GPRASP2: variants seen among roughly 807,000 people sequenced by gnomAD.
The protein encoded by GPRASP2 is G protein-coupled receptor-associated sorting protein 2.
A neutral mutation model predicts 36.0 loss-of-function variants in GPRASP2; 10 were observed. The observed-to-expected ratio is 0.28, with a 90% CI of 0.17 to 0.47. The LOEUF (loss-of-function observed/expected upper bound fraction) is 0.47. Among genes scored for constraint, GPRASP2 ranks in the 20% least tolerant of loss-of-function variants. GPRASP2 has a pLI of 0.99. For synonymous variants in GPRASP2, 219 were observed against 230.5 expected (o/e 0.95, Z 0.45); for missense variants, 538 against 626.7 (o/e 0.86, Z 1.51).
In GPRASP2 at chrX:102,715,532, G is replaced by C; in HGVS notation, c.663G>C (p.Glu221Asp). ...GGGCCAGAGAGGAGGCCTCTAATGAGTCTGGGTTCTGGTCAGCAGATGAGA... is the reference window on the plus strand; with the variant it reads ...GGGCCAGAGAGGAGGCCTCTAATGACTCTGGGTTCTGGTCAGCAGATGAGA... Reference protein sequence around the residue: ...RPRAREEASNESGFWSADETS... With the variant: ...RPRAREEASNDSGFWSADETS... The change falls in exon 5 of 5, where the codon GAG (glutamate) becomes GAC (aspartate). Residue 221 changes from glutamate (E) to aspartate (D), a missense_variant. Transcript: ENST00000483720. 1.7e-6 allele frequency: 2 copies of C among 1,212,048 alleles called. No homozygotes were observed. The highest frequency in any genetic ancestry group is 2.2e-6 in the Non-Finnish European group (2 of 895,603).
rs772541821 is a variant in GPRASP2 at position 102,713,221 on chromosome X, TG to T, written c.-480+5del. On this transcript the variant is annotated splice_donor_5th_base_variant and intron_variant, in intron 2 of 4. Coordinates refer to ENST00000483720, the MANE Select transcript of GPRASP2 (RefSeq NM_001004051.4). The stretch of plus-strand genomic sequence containing the variant: ...AATATTGCCTGGATTTCTGGAGGTG[TG>T]TGGGGATGGGGGTTGGGCGCTAAAC... 9.0e-6 allele frequency: 1 copy of T among 111,729 alleles called. No individual in the cohort carries two copies. The highest frequency in any genetic ancestry group is 2.8e-4 in the East Asian group (1 of 3,518). The allele number at this position is 111,729 out of a possible 1,213,427, so 9.2% of individuals were successfully genotyped here. A position where few individuals can be genotyped will look rare whatever the true frequency, so the allele number is the denominator to read the frequency against.
In GPRASP2 at chrX:102,717,207, G is replaced by A. The variant is rs1359266587; in HGVS notation, c.2338G>A (p.Val780Ile). ...AGAGACAAATGATAATATTCAAATT[G>A]TTATTAAAATGTTTCAGAATATCAG... ...IEETNDNIQI[V>I]IKMFQNISNI... The change falls in exon 5 of 5, where the codon GTT (valine) becomes ATT (isoleucine). Residue 780 changes from valine to isoleucine, a missense_variant. By Grantham distance (29) the Val-to-Ile change is conservative. Coordinates refer to ENST00000483720, the MANE Select transcript of GPRASP2 (RefSeq NM_001004051.4). 1.8e-6 allele frequency: 2 copies of A among 1,124,120 alleles called. No homozygotes were observed. The highest frequency in any genetic ancestry group is 3.7e-5 in the African/African-American group (2 of 54,463). 92.6% of individuals were successfully genotyped at this position (1,124,120 alleles called of 1,213,427 possible). A position where few individuals can be genotyped will look rare whatever the true frequency, so the allele number is the denominator to read the frequency against.
intron 2 of GPRASP2, 99 bp downstream of exon 2, chrX:102,713,316 C>T (rs926322405): frequency 1.8e-5 from 2 of 112,062 alleles, no homozygotes; most frequent in Non-Finnish European, 3.8e-5. Flanking sequence ...GGAGCACCTC[C>T]TAATCTTCAC....
At position 102,714,904 on chromosome X, in the gene GPRASP2, C is replaced by T. The variant is rs1369713152; in HGVS notation, c.35C>T (p.Ala12Val). 5 of 1,211,906 alleles carry T rather than the reference C, an allele frequency of 4.1e-6. No homozygotes were observed. In the South Asian group the frequency reaches 7.0e-5, roughly 17 times the overall value. The change falls in exon 5 of 5, where the codon GCC becomes GTC. Residue 12 changes from alanine to valine, a missense_variant. Around this residue, in one of 2 missense-constraint regions of GPRASP2, gnomAD observed 276 missense variants for 275.0 expected, o/e 1.00. Transcript: ENST00000483720. ...GCAGAGATTGAGCCTAGTGCCCAGG[C>T]CAAGCCTGAAAAGAAGGCTGGGGAA... ...TGAEIEPSAQ[A>V]KPEKKAGEEV...
chrX:102,717,300 G>T lies in GPRASP2; in HGVS notation c.2431G>T (p.Ala811Ser). 9.1e-7 allele frequency: 1 copy of T among 1,095,552 alleles called. No homozygotes were observed. Among genetic ancestry groups the T allele is most frequent in the Non-Finnish European group, 1.2e-6 (1 of 837,835 alleles). The allele number at this position is 1,095,552 out of a possible 1,213,427, so 90.3% of individuals were successfully genotyped here. ...TTTCAGTCTTGAGCCGCTTATTTCTGCATTTCGTGAATTTGAGGAGTTAGC... is the reference window on the plus strand; with the variant it reads ...TTTCAGTCTTGAGCCGCTTATTTCTTCATTTCGTGAATTTGAGGAGTTAGC... ...DDFSLEPLIS[A>S]FREFEELAKQ... Residue 811 changes from alanine (A) to serine (S), a missense_variant, in exon 5 of 5, where the codon GCA becomes TCA. This residue lies in a region of GPRASP2 where 262 missense variants were observed against 351.7 expected (regional missense o/e 0.74). Transcript: ENST00000483720.
rs2081942636 is a variant in GPRASP2, at chrX:102,715,157, C to A, written c.288C>A (p.Ala96=). The A allele has an allele frequency of 8.3e-7, 1 of 1,211,525 alleles. No individual in the cohort carries two copies. The highest frequency in any genetic ancestry group is 1.7e-5 in the African/African-American group (1 of 57,657). The change falls in exon 5 of 5, where the codon GCC becomes GCA. Residue 96 remains alanine, a synonymous_variant. Coordinates refer to ENST00000483720, the MANE Select transcript of GPRASP2 (RefSeq NM_001004051.4). The stretch of plus-strand genomic sequence containing the variant: ...CGGAGGCTCAAGGAATCACAGGGGC[C>A]AGGCCCAAAACCGATGCCAGGGCAG... The part of the protein sequence containing the change: ...PKTEAQGITG[A]RPKTDARAVG...
Position 102,714,737 on chromosome X carries a change from A to C in GPRASP2, c.-133A>C. The C allele has an allele frequency of 9.7e-7, 1 of 1,033,859 alleles. No individual in the cohort carries two copies. Among genetic ancestry groups the C allele is most frequent in the South Asian group, 2.3e-5 (1 of 42,609 alleles). The allele number at this position is 1,033,859 out of a possible 1,213,427, so 85.2% of individuals were successfully genotyped here. ...ACTACTGGACTGGATATTGACTCTA[A>C]CTCTTATTCCCAAGCTTATATCCTT... is the stretch of plus-strand genomic sequence containing the variant. On this transcript the variant is annotated 5_prime_UTR_variant, in exon 5 of 5. Coordinates refer to ENST00000483720, the MANE Select transcript of GPRASP2 (RefSeq NM_001004051.4).
chrX:102,714,796 C>T lies in GPRASP2; in HGVS notation c.-74C>T. On this transcript the variant is annotated 5_prime_UTR_variant, in exon 5 of 5. Transcript: ENST00000483720. ...AAAGATCAGAGTGTGAAGAAACAAA[C>T]CTGTGACAGATCTGTGGTTGAGGTT... 1 of 1,150,240 alleles carries T rather than the reference C, an allele frequency of 8.7e-7. No individual in the cohort carries two copies. The highest frequency in any genetic ancestry group is 1.2e-6 in the Non-Finnish European group (1 of 866,823). 94.8% of individuals were successfully genotyped at this position (1,150,240 alleles called of 1,213,427 possible). A position where few individuals can be genotyped will look rare whatever the true frequency, so the allele number is the denominator to read the frequency against.
Position 102,715,927 on chromosome X carries a change from G to A in GPRASP2, c.1058G>A (p.Arg353Lys), listed in dbSNP as rs2081957868. 1.7e-6 allele frequency: 2 copies of A among 1,210,131 alleles called. No homozygotes were observed. The highest frequency in any genetic ancestry group is 4.4e-5 in the Admixed American group (2 of 45,763). ...GEEANSRFRHRDKEDPNTALK... is the reference protein window; with the variant it reads ...GEEANSRFRHKDKEDPNTALK... ...GAGGCCAATAGTAGATTCAGGCACAGAGACAAAGAAGATCCTAATACTGCC... is the reference window on the plus strand; with the variant it reads ...GAGGCCAATAGTAGATTCAGGCACAAAGACAAAGAAGATCCTAATACTGCC... Residue 353 changes from arginine to lysine, a missense_variant, in exon 5 of 5, where the codon AGA (arginine) becomes AAA (lysine). Arg to Lys is a conservative substitution (Grantham distance 26, BLOSUM62 2). This residue lies in a region of GPRASP2 where 276 missense variants were observed against 275.0 expected (regional missense o/e 1.00). Coordinates refer to ENST00000483720, the MANE Select transcript of GPRASP2 (RefSeq NM_001004051.4).
In GPRASP2 at chrX:102,715,101, G is replaced by A. The variant is rs1327390902; in HGVS notation, c.232G>A (p.Val78Ile). The change falls in exon 5 of 5, where the codon GTC becomes ATC. Residue 78 changes from valine (V) to isoleucine (I), a missense_variant. By Grantham distance (29) the Val-to-Ile change is conservative. Around this residue, in one of 2 missense-constraint regions of GPRASP2, gnomAD observed 276 missense variants for 275.0 expected, o/e 1.00. Transcript: ENST00000483720. ...GTCTGGGGCAAGGCCCAAAACTGAG[G>A]TCCAAGTAATGGGTGGTGCAAGACC... ...AMSGARPKTE[V>I]QVMGGARPKT... is the part of the protein sequence containing the mutation. 1.6e-6 allele frequency: 2 copies of A among 1,212,501 alleles called. No homozygotes were observed. The highest frequency in any genetic ancestry group is 3.5e-5 in the South Asian group (2 of 57,045).
chrX:102,713,480 G>T (rs768985810), intron 2 of GPRASP2, among the ~76,000 whole-genome samples: 3 of 113,175 alleles, frequency 2.7e-5, no homozygotes, highest in Non-Finnish European at 3.7e-5. Flanking sequence ...AATATGCGGC[G>T]CCCTTCCCCC....
At position 102,716,437 on chromosome X, in the gene GPRASP2, T is replaced by A; in HGVS notation, c.1568T>A (p.Met523Lys). ...PFGIPEEASE[M>K]LEAKPKNLEL... ...GGAATTCCCGAAGAGGCTTCTGAAA[T>A]GCTTGAGGCAAAGCCCAAGAACCTG... The change falls in exon 5 of 5, where the codon ATG becomes AAG. Residue 523 changes from methionine to lysine, a missense_variant. Physicochemically the swap from Met to Lys is moderately conservative, Grantham distance 95. Coordinates refer to ENST00000483720, the MANE Select transcript of GPRASP2 (RefSeq NM_001004051.4). The A allele has an allele frequency of 8.2e-7, 1 of 1,212,155 alleles. No individual in the cohort carries two copies. Among genetic ancestry groups the A allele is most frequent in the South Asian group, 1.8e-5 (1 of 57,029 alleles).
intron 2 of GPRASP2, among the ~76,000 whole-genome samples, chrX:102,713,460 T>C (rs1437102745): frequency 8.8e-6 from 1 of 113,044 alleles, no homozygotes; most frequent in Non-Finnish European, 1.9e-5. Context: ...ATTCACAACC[T>C]GTTTTCTAGA....
chrX:102,715,475 T>A lies in GPRASP2; in HGVS notation c.606T>A (p.Thr202=). The change falls in exon 5 of 5, where the codon ACT becomes ACA. Residue 202 remains threonine (T), a synonymous_variant. Coordinates refer to ENST00000483720, the MANE Select transcript of GPRASP2 (RefSeq NM_001004051.4). ...IQPWFGPGEE[T]NMGSWCYSRP... is the part of the protein sequence containing the mutation. ...CCTGGTTTGGACCAGGGGAGGAGAC[T>A]AATATGGGGTCTTGGTGCTATTCCA... is the stretch of plus-strand genomic sequence containing the variant. 1 of 1,211,829 alleles carries A rather than the reference T, an allele frequency of 8.3e-7. No individual in the cohort carries two copies. Among genetic ancestry groups the A allele is most frequent in the Non-Finnish European group, 1.1e-6 (1 of 895,517 alleles).
chrX:102,714,842 T>G lies in GPRASP2; in HGVS notation c.-28T>G, dbSNP rs756365177. 1.1e-5 allele frequency: 13 copies of G among 1,190,755 alleles called. No individual in the cohort carries two copies. The African/African-American group carries it at 1.2e-4, about 11-fold the overall frequency. On this transcript the variant is annotated 5_prime_UTR_variant, in exon 5 of 5. Transcript: ENST00000483720. Reference sequence around the variant, plus strand: ...AGGTTTAGACTACGGGAGGAGTATATTACCTGACTTTCTTTGTAACTTGTA... The same window carrying G: ...AGGTTTAGACTACGGGAGGAGTATAGTACCTGACTTTCTTTGTAACTTGTA...
rs1217316992 is a variant in GPRASP2 at position 102,717,404 on chromosome X, C to T, written c.*18C>T. ...AAAGTTAATATGATTAACCACCTGC[C>T]GCTGATCAGCCTTATGTTCCCAAAG... is the stretch of plus-strand genomic sequence containing the variant. On this transcript the variant is annotated 3_prime_UTR_variant, in exon 5 of 5. Transcript: ENST00000483720. The T allele has an allele frequency of 6.7e-6, 7 of 1,050,271 alleles. No individual in the cohort carries two copies. Among genetic ancestry groups the T allele is most frequent in the Non-Finnish European group, 8.6e-6 (7 of 812,229 alleles). 86.6% of individuals were successfully genotyped at this position (1,050,271 alleles called of 1,213,427 possible).
At position 102,717,216 on chromosome X, in the gene GPRASP2, A is replaced by T. The variant is rs770705221; in HGVS notation, c.2347A>T (p.Met783Leu). 1.2e-5 allele frequency: 14 copies of T among 1,121,680 alleles called. No individual in the cohort carries two copies. Among genetic ancestry groups the T allele is most frequent in the Non-Finnish European group, 3.5e-6 (3 of 851,477 alleles). The allele number at this position is 1,121,680 out of a possible 1,213,427, so 92.4% of individuals were successfully genotyped here. Residue 783 changes from methionine (M) to leucine (L), a missense_variant, in exon 5 of 5, where the codon ATG becomes TTG. By Grantham distance (15) the Met-to-Leu change is conservative. This residue lies in a region of GPRASP2 where 262 missense variants were observed against 351.7 expected (regional missense o/e 0.74). Transcript: ENST00000483720. ...TGATAATATTCAAATTGTTATTAAA[A>T]TGTTTCAGAATATCAGTAACATTAT... ...TNDNIQIVIK[M>L]FQNISNIIKS... is the part of the protein sequence containing the mutation.
At position 102,716,812 on chromosome X, in the gene GPRASP2, A is replaced by T; in HGVS notation, c.1943A>T (p.Asn648Ile). ...GTCTCACTTATTGAAACCTTGCTTAATTATCCATCCTCTAGAGTTAGGACA... is the reference window on the plus strand; with the variant it reads ...GTCTCACTTATTGAAACCTTGCTTATTTATCCATCCTCTAGAGTTAGGACA... ...GVVSLIETLL[N>I]YPSSRVRTSF... is the part of the protein sequence containing the mutation. The change falls in exon 5 of 5, where the codon AAT (asparagine) becomes ATT (isoleucine). Residue 648 changes from asparagine (N) to isoleucine (I), a missense_variant. Asn to Ile is a moderately radical substitution (Grantham distance 149). Around this residue, in one of 2 missense-constraint regions of GPRASP2, gnomAD observed 262 missense variants for 351.7 expected, o/e 0.74. Coordinates refer to ENST00000483720, the MANE Select transcript of GPRASP2 (RefSeq NM_001004051.4). 8.2e-7 allele frequency: 1 copy of T among 1,212,156 alleles called. No homozygotes were observed. Among genetic ancestry groups the T allele is most frequent in the Non-Finnish European group, 1.1e-6 (1 of 895,653 alleles).
rs755113646 is a variant in GPRASP2, at chrX:102,715,000, C to A, written c.131C>A (p.Ala44Glu). ...GTCAGACCCAAGGTTAGGACCCAGGCAACTACTGGGGCAAGGCCCAAAACT... is the reference window on the plus strand; with the variant it reads ...GTCAGACCCAAGGTTAGGACCCAGGAAACTACTGGGGCAAGGCCCAAAACT... Reference protein sequence around the residue: ...LVVRPKVRTQATTGARPKTET... With the variant: ...LVVRPKVRTQETTGARPKTET... Residue 44 changes from alanine (A) to glutamate (E), a missense_variant, in exon 5 of 5, where the codon GCA (alanine) becomes GAA (glutamate). Transcript: ENST00000483720. The A allele has an allele frequency of 1.7e-6, 2 of 1,211,378 alleles. No individual in the cohort carries two copies. The highest frequency in any genetic ancestry group is 1.7e-5 in the African/African-American group (1 of 57,577).
Sources: gnomAD v4.1 joint callset for allele counts (sites outside exome capture counted in the v4.1 genomes callset) on GRCh38, gnomAD v4.1.1 for gene constraint, gnomAD v4.1.1 regional missense constraint, MANE v1.5 for transcripts, NCBI Gene and HGNC (gene_info 2026-07-23, HGNC 2026-07-21) for gene names.